CACNA1C: variants seen among roughly 807,000 people sequenced by gnomAD.
CACNA1C encodes voltage-dependent L-type calcium channel subunit alpha-1C.
A neutral mutation model predicts 229.0 loss-of-function variants in CACNA1C; 30 were observed. The observed-to-expected ratio is 0.13, with a 90% CI of 0.10 to 0.18. The LOEUF (loss-of-function observed/expected upper bound fraction) is 0.18. Among genes scored for constraint, CACNA1C ranks in the 10% least tolerant of loss-of-function variants. The pLI is 1.00. For synonymous variants in CACNA1C, 1,114 were observed against 1,132.5 expected, an observed-to-expected ratio of 0.98 and a Z score of 0.33; for missense variants, 1,658 against 2,845.0, an observed-to-expected ratio of 0.58 and a Z score of 9.49.
intron 3 of CACNA1C, among the ~76,000 whole-genome samples, chr12:2,334,427 C>T (rs1175926623): frequency 6.6e-6 from 1 of 152,178 alleles, no homozygotes; most frequent in Admixed American, 6.5e-5. Context: ...CAACTTCCAA[C>T]TAGCAGACTG....
chr12:2,269,535 T>A (rs2083896346), intron 3 of CACNA1C, among the ~76,000 whole-genome samples: 1 of 152,156 alleles, frequency 6.6e-6, no homozygotes, highest in African/African-American at 2.4e-5. Flanking sequence ...GAATGGTGAT[T>A]ATCTACTTAG....
In CACNA1C at chr12:2,504,314, A is replaced by G. The variant is rs1043191315; in HGVS notation, c.1114-528A>G. The G allele has an allele frequency of 9.1e-6, 6 of 660,702 alleles. No homozygotes were observed. The highest frequency in any genetic ancestry group is 9.0e-5 in the African/African-American group (5 of 55,620). The allele number at this position is 660,702 out of a possible 1,614,324, so 40.9% of individuals were successfully genotyped here. ...CTGGGTAACACGGGTAACCTGGTGCACATGAACAAAGCCCACGTTCAGCCC... is the reference window on the plus strand; with the variant it reads ...CTGGGTAACACGGGTAACCTGGTGCGCATGAACAAAGCCCACGTTCAGCCC... On this transcript the variant is annotated intron_variant, in intron 7 of 46. Transcript: ENST00000399655. The surrounding 1 kb of genome is among the most constrained non-coding windows in gnomAD (Gnocchi z 6.8).
chr12:2,509,575 C>G (rs115622265), intron 8 of CACNA1C, among the ~76,000 whole-genome samples: 3 of 152,100 alleles, frequency 2.0e-5, no homozygotes, highest in Non-Finnish European at 2.9e-5. Context: ...CCACTAGCAC[C>G]GTAACTCGCA....
At chr12:2,505,648 T>G (rs952974780) in intron 8 of CACNA1C, among the ~76,000 whole-genome samples, 3 of 152,084 alleles carry the variant, frequency 2.0e-5, no homozygotes, top group African/African-American at 7.2e-5. Flanking sequence ...CTGGGCAACA[T>G]AGCGAGACCC....
chr12:2,452,376 C>A (rs1032254803), intron 4 of CACNA1C, among the ~76,000 whole-genome samples: 3 of 152,158 alleles, frequency 2.0e-5, no homozygotes, highest in Non-Finnish European at 4.4e-5. Flanking sequence ...TCAGGAGGTT[C>A]CACGCCAGCC....
intron 3 of CACNA1C, among the ~76,000 whole-genome samples, chr12:2,158,104 A>G (rs1246077825): frequency 6.6e-6 from 1 of 152,226 alleles, no homozygotes; most frequent in Non-Finnish European, 1.5e-5. Context: ...AGAAAGAGAT[A>G]ACTACAAAAA....
intron 3 of CACNA1C, among the ~76,000 whole-genome samples, chr12:2,323,029 T>C (rs940840986): frequency 6.6e-6 from 1 of 152,172 alleles, no homozygotes; most frequent in Non-Finnish European, 1.5e-5. Flanking sequence ...TTTCTTGTCC[T>C]CTCCATTTAC....
At chr12:2,272,470 A>G (rs1371339305) in intron 3 of CACNA1C, among the ~76,000 whole-genome samples, 1 of 152,116 alleles carries the variant, frequency 6.6e-6, no homozygotes, top group Non-Finnish European at 1.5e-5. Flanking sequence ...TGCTTTCTCT[A>G]CTGATGCCTT....
chr12:1,998,898 T>G lies in CACNA1C; in HGVS notation c.139+27697T>G, dbSNP rs58651751. On this transcript the variant is annotated intron_variant, in intron 1 of 46. Transcript: ENST00000682462. ...TTATTAATATTCATCACCATAATCA[T>G]TCAAAATTTAAGTACTCTGTAATTC... 1.7e-3 allele frequency among the ~76,000 whole-genome samples: 253 copies of G among 152,318 alleles called. 1 individual carries two copies. Among genetic ancestry groups the G allele is most frequent in the African/African-American group, 5.9e-3 (246 of 41,572 alleles).
At chr12:2,508,481 C>G (rs963876930) in intron 8 of CACNA1C, among the ~76,000 whole-genome samples, 2 of 152,194 alleles carry the variant, frequency 1.3e-5, no homozygotes, top group African/African-American at 2.4e-5. Context: ...GAGACCCTTT[C>G]TCTACAAAGA....
chr12:2,523,944 C>T (rs1416143769), intron 9 of CACNA1C, among the ~76,000 whole-genome samples: 3 of 152,182 alleles, frequency 2.0e-5, no homozygotes, highest in African/African-American at 4.8e-5. Context: ...AAGCTCATGC[C>T]GCATCAAGAT....
chr12:2,205,897 G>A (rs373313503), intron 3 of CACNA1C, among the ~76,000 whole-genome samples: 2 of 152,184 alleles, frequency 1.3e-5, no homozygotes, highest in Admixed American at 1.3e-4. Context: ...TGGAAGGGGC[G>A]AGGGAGCTCT....
At chr12:2,505,258 C>G (rs1384405442) in intron 8 of CACNA1C, among the ~76,000 whole-genome samples, 1 of 152,068 alleles carries the variant, frequency 6.6e-6, no homozygotes, top group Non-Finnish European at 1.5e-5. Flanking sequence ...GTGAACAGGC[C>G]TGGGTAAGAA....
rs142175765 is a variant in CACNA1C at position 2,195,181 on chromosome 12, T to C, written c.477+74751T>C. On this transcript the variant is annotated intron_variant, in intron 3 of 46. Coordinates refer to ENST00000399655, the MANE Select transcript of CACNA1C (RefSeq NM_000719.7). ...GCTAAGTGCCTGCACACATTGTCAG[T>C]TGGTCCAGGCGGTAAGTCATGAGGA... Among the ~76,000 whole-genome samples, 339 of 152,322 alleles carry C rather than the reference T, an allele frequency of 2.2e-3. 1 individual carries two copies. The highest frequency in any genetic ancestry group is 7.7e-3 in the African/African-American group (318 of 41,564).
intron 3 of CACNA1C, among the ~76,000 whole-genome samples, chr12:2,205,650 A>G (rs1000318036): frequency 1.3e-5 from 2 of 152,216 alleles, no homozygotes; most frequent in Non-Finnish European, 2.9e-5. Flanking sequence ...TGGCAGTAGC[A>G]TCCTCTCCGG....
intron 6 of CACNA1C, among the ~76,000 whole-genome samples, chr12:2,492,853 A>G (rs1208101214): frequency 6.6e-6 from 1 of 152,208 alleles, no homozygotes; most frequent in African/African-American, 2.4e-5. Flanking sequence ...TGGCATCATC[A>G]TTATTTTTTG....
At chr12:2,255,268 G>GAAAAA (rs746929189) in intron 3 of CACNA1C, among the ~76,000 whole-genome samples, 1 of 95,668 alleles carries the variant, frequency 1.0e-5, no homozygotes, top group Non-Finnish European at 2.2e-5. Context: ...TTCTGCTGCA[G>GAAAAA]AAAAAAAAAA....
intron 9 of CACNA1C, among the ~76,000 whole-genome samples, chr12:2,515,731 GT>G (rs2099795296): frequency 6.6e-6 from 1 of 152,160 alleles, no homozygotes; most frequent in Admixed American, 6.5e-5. Flanking sequence ...CAGGGATTCT[GT>G]TTCCTTAGGG....
chr12:2,492,061 CT>C (rs1254186092), intron 6 of CACNA1C, among the ~76,000 whole-genome samples: 1 of 151,826 alleles, frequency 6.6e-6, no homozygotes, highest in East Asian at 1.9e-4. Flanking sequence ...TCTCTTCTGT[CT>C]GTTATTGTCA....
Sources: gnomAD v4.1 joint callset for allele counts (sites outside exome capture counted in the v4.1 genomes callset) on GRCh38, gnomAD v4.1.1 for gene constraint, Gnocchi (gnomAD v3.1) non-coding constraint, MANE v1.5 for transcripts, NCBI Gene and HGNC (gene_info 2026-07-23, HGNC 2026-07-21) for gene names.